AHI1: variants seen among roughly 807,000 people sequenced by gnomAD.
The protein encoded by AHI1 is jouberin.
In AHI1, 123 loss-of-function variants were observed where a neutral mutation model predicts 149.3. The observed-to-expected ratio is 0.82, with a 90% confidence interval of 0.71 to 0.96. The LOEUF (loss-of-function observed/expected upper bound fraction) is 0.96. Ranked by LOEUF, AHI1 falls within the 40% of genes least tolerant of loss-of-function variation. The pLI is 0.00. For missense variants in AHI1, 1,439 were observed against 1,422.7 expected, an observed-to-expected ratio of 1.01 and a Z score of -0.18; for synonymous variants, 475 against 459.8, an observed-to-expected ratio of 1.03 and a Z score of -0.42.
chr6:135,405,942 G>C (rs541116143), intron 21 of AHI1, among the ~76,000 whole-genome samples: 1 of 150,642 alleles, frequency 6.6e-6, no homozygotes, highest in Non-Finnish European at 1.5e-5. Context: ...TTAGGAGTTA[G>C]CCAGCATATA....
At chr6:135,488,697 T>C (rs1794824966) in intron 5 of AHI1, among the ~76,000 whole-genome samples, 1 of 152,206 alleles carries the variant, frequency 6.6e-6, no homozygotes, top group Non-Finnish European at 1.5e-5. Flanking sequence ...GCCATTATTA[T>C]GAATCCCTAT....
intron 27 of AHI1, among the ~76,000 whole-genome samples, chr6:135,293,406 G>GAAAAAAAAAAAAAAAAAAGAAAAAAAA (rs1782632670): frequency 4.6e-5 from 3 of 65,592 alleles, no homozygotes; most frequent in African/African-American, 8.9e-5. Context: ...AAAAAAAAAA[G>GAAAAAAAAAAAAAAAAAAGAAAAAAAA]AAAAAAAAAA....
At chr6:135,417,992 T>C (rs1348550746) in intron 20 of AHI1, among the ~76,000 whole-genome samples, 1 of 150,736 alleles carries the variant, frequency 6.6e-6, no homozygotes, top group Non-Finnish European at 1.5e-5. Flanking sequence ...CACTTTGACA[T>C]AGGCCACAGT....
At chr6:135,420,568 A>T (rs2127993463) in intron 20 of AHI1, among the ~76,000 whole-genome samples, 1 of 152,260 alleles carries the variant, frequency 6.6e-6, no homozygotes. Context: ...CTTTAATGTT[A>T]TGGAGACGGT....
intron 24 of AHI1, among the ~76,000 whole-genome samples, chr6:135,350,998 G>A (rs1229507747): frequency 6.6e-6 from 1 of 152,062 alleles, no homozygotes; most frequent in Admixed American, 6.5e-5. Flanking sequence ...TGATGAATAA[G>A]GTGATCATAT....
chr6:135,447,236 T>C, intron 12 of AHI1, 76 bp from the exon 13 acceptor site: 2 of 970,532 alleles, frequency 2.1e-6, no homozygotes, highest in Non-Finnish European at 2.8e-6. Context: ...GTTTTTAAAA[T>C]ACTGAAACAA....
At chr6:135,311,818 C>G (rs1372244266) in intron 26 of AHI1, among the ~76,000 whole-genome samples, 1 of 152,172 alleles carries the variant, frequency 6.6e-6, no homozygotes, top group Non-Finnish European at 1.5e-5. Context: ...CTGGAATGAA[C>G]TTGGAGGAAA....
intron 20 of AHI1, among the ~76,000 whole-genome samples, chr6:135,419,402 T>A (rs1456209714): frequency 6.6e-6 from 1 of 152,120 alleles, no homozygotes; most frequent in Non-Finnish European, 1.5e-5. Flanking sequence ...ATTTCCCGAC[T>A]GCAGCCTAGT....
intron 16 of AHI1, 104 bp downstream of exon 16, chr6:135,432,923 A>T: frequency 1.3e-6 from 1 of 763,264 alleles, no homozygotes; most frequent in East Asian, 2.5e-5. Context: ...AAACCTAAAT[A>T]TGCGCAATCA....
intron 23 of AHI1, among the ~76,000 whole-genome samples, chr6:135,380,742 C>A (rs1246677378): frequency 3.3e-5 from 4 of 122,184 alleles, no homozygotes; most frequent in Non-Finnish European, 6.5e-5. Flanking sequence ...CCCCCCCCCC[C>A]CCAAAAAAAA....
At position 135,300,555 on chromosome 6, in the gene AHI1, A is replaced by C; in HGVS notation, c.3430T>G (p.Ser1144Ala). 6.2e-7 allele frequency: 1 copy of C among 1,605,704 alleles called. No homozygotes were observed. Among genetic ancestry groups the C allele is most frequent in the South Asian group, 1.1e-5 (1 of 89,074 alleles). Reference sequence around the variant, plus strand: ...TCCTGGGACTTGTTCTTATTGATTGATTGCTGTGGAAGAAGAGGAAAAACA... The same window carrying C: ...TCCTGGGACTTGTTCTTATTGATTGCTTGCTGTGGAAGAAGAGGAAAAACA... ...IEKSPAPQKQSINKNKSQDFR... is the reference protein window; with the variant it reads ...IEKSPAPQKQAINKNKSQDFR... Residue 1144 changes from serine (S) to alanine (A), a missense_variant, in exon 27 of 29, where the codon TCA becomes GCA. Ser to Ala is a moderately conservative substitution (Grantham distance 99, BLOSUM62 1). Transcript: ENST00000265602.
intron 24 of AHI1, among the ~76,000 whole-genome samples, chr6:135,334,563 C>T (rs778072230): frequency 2.0e-5 from 3 of 152,088 alleles, no homozygotes; most frequent in African/African-American, 7.2e-5. Context: ...TTTCTTACTG[C>T]GAATCACAAT....
intron 5 of AHI1, among the ~76,000 whole-genome samples, chr6:135,475,801 CCT>C (rs944612100): frequency 6.6e-6 from 1 of 152,150 alleles, no homozygotes; most frequent in African/African-American, 2.4e-5. Flanking sequence ...TAATCTGTAT[CCT>C]TTTACAGTAA....
rs149305149 is a variant in AHI1 at position 135,328,468 on chromosome 6, T to C, written c.3166-5144A>G. The stretch of plus-strand genomic sequence containing the variant: ...GATAGGTGATCTTTGATGCTACCAA[T>C]GTAATTCTTTTGGGGTGCCATAAAC... On this transcript the variant is annotated intron_variant, in intron 24 of 28. Coordinates refer to ENST00000265602, the MANE Select transcript of AHI1 (RefSeq NM_001134831.2). Among the ~76,000 whole-genome samples the C allele has an allele frequency of 3.7e-4, 56 of 152,196 alleles. 1 individual carries two copies. The East Asian group carries it at 0.01, about 28-fold the overall frequency.
At chr6:135,357,153 G>A (rs1337894862) in intron 24 of AHI1, among the ~76,000 whole-genome samples, 8 of 152,160 alleles carry the variant, frequency 5.3e-5, no homozygotes, top group South Asian at 2.1e-4. Flanking sequence ...TGGCCAGGAT[G>A]GTCTCAATCT....
chr6:135,463,021 G>T, intron 8 of AHI1, 104 bp downstream of exon 8: 1 of 832,828 alleles, frequency 1.2e-6, no homozygotes, highest in Non-Finnish European at 1.8e-6. Flanking sequence ...ATCCTATATT[G>T]AATTATTTTC....
At chr6:135,347,823 A>G (rs1263942630) in intron 24 of AHI1, among the ~76,000 whole-genome samples, 2 of 152,216 alleles carry the variant, frequency 1.3e-5, no homozygotes, top group East Asian at 3.8e-4. Flanking sequence ...TTATTTTCAG[A>G]TTTGGTAAAA....
intron 23 of AHI1, among the ~76,000 whole-genome samples, chr6:135,385,906 C>A (rs1014187063): frequency 2.0e-5 from 3 of 152,216 alleles, no homozygotes; most frequent in Non-Finnish European, 2.9e-5. Flanking sequence ...TTACCCCAGA[C>A]ACATAAGTCT....
intron 23 of AHI1, among the ~76,000 whole-genome samples, chr6:135,370,623 G>C (rs1165957853): frequency 6.6e-6 from 1 of 152,178 alleles, no homozygotes; most frequent in Admixed American, 6.5e-5. Flanking sequence ...TCTTTATGCA[G>C]TAGGGTTCAT....
Sources: gnomAD v4.1 joint callset for allele counts (sites outside exome capture counted in the v4.1 genomes callset) on GRCh38, gnomAD v4.1.1 for gene constraint, MANE v1.5 for transcripts, NCBI Gene and HGNC (gene_info 2026-07-23, HGNC 2026-07-21) for gene names.